VAT1L: variants seen among roughly 807,000 people sequenced by gnomAD.
The protein encoded by VAT1L is putative NADPH-dependent quinone oxidoreductase VAT1L.
A neutral mutation model predicts 44.1 loss-of-function variants in VAT1L; 34 were observed. The observed-to-expected ratio is 0.77, with a 90% CI of 0.59 to 1.03. The LOEUF (loss-of-function observed/expected upper bound fraction) is 1.03. Among genes scored for constraint, VAT1L ranks in the 50% least tolerant of loss-of-function variants. VAT1L has a pLI of 0.00. For missense variants in VAT1L, 615 were observed against 538.8 expected, an observed-to-expected ratio of 1.14 and a Z score of -1.40; for synonymous variants, 253 against 202.2, an observed-to-expected ratio of 1.25 and a Z score of -2.13.
At chr16:77,933,752 A>G (rs1597106070) in intron 7 of VAT1L, among the ~76,000 whole-genome samples, 1 of 152,354 alleles carries the variant, frequency 6.6e-6, no homozygotes, top group Non-Finnish European at 1.5e-5. Flanking sequence ...GGCTGGGTAC[A>G]TTTAAAAAAC....
rs35017686 is a variant in VAT1L, at chr16:77,975,194, CTTTTTTTTTTTTTTTTTT to C, written c.1162-2386_1162-2369del. 1.9e-3 allele frequency among the ~76,000 whole-genome samples: 75 copies of C among 39,868 alleles called. 1 individual carries two copies. The highest frequency in any genetic ancestry group is 7.6e-3 in the African/African-American group (72 of 9,428). 26.2% of individuals were successfully genotyped at this position (39,868 alleles called of 152,430 possible). ...GTGCTTTCTCCTACTGGAATGACCA[CTTTTTTTTTTTTTTTTTT>C]TTTTTTTTTTTTTTTTAAAGACAGT... On this transcript the variant is annotated intron_variant, in intron 8 of 8. Transcript: ENST00000302536.
intron 7 of VAT1L, among the ~76,000 whole-genome samples, chr16:77,895,740 C>T (rs2017317113): frequency 6.6e-6 from 1 of 152,222 alleles, no homozygotes; most frequent in South Asian, 2.1e-4. Flanking sequence ...GAAACTAATA[C>T]ATACCACTAA....
At chr16:77,915,944 G>T (rs1376344045) in intron 7 of VAT1L, among the ~76,000 whole-genome samples, 1 of 152,082 alleles carries the variant, frequency 6.6e-6, no homozygotes, top group Non-Finnish European at 1.5e-5. Context: ...AATCCTACTG[G>T]GGCGCTATGA....
At chr16:77,922,355 T>TAA (rs2017621055) in intron 7 of VAT1L, among the ~76,000 whole-genome samples, 1 of 152,126 alleles carries the variant, frequency 6.6e-6, no homozygotes, top group African/African-American at 2.4e-5. Flanking sequence ...CCAAGGCCAG[T>TAA]TCCATCAAGG....
At chr16:77,862,992 A>T in intron 4 of VAT1L, 102 bp downstream of exon 4, 1 of 1,413,060 alleles carries the variant, frequency 7.1e-7, no homozygotes, top group Non-Finnish European at 9.6e-7. Context: ...TATGTAGCAA[A>T]CATATATTGG....
chr16:77,882,380 AC>A (rs2017164299), intron 6 of VAT1L: 1 of 152,272 alleles, frequency 6.6e-6, no homozygotes, highest in Non-Finnish European at 1.5e-5. Flanking sequence ...GTTAACATTT[AC>A]AGAGCAATCT....
intron 3 of VAT1L, among the ~76,000 whole-genome samples, chr16:77,831,930 C>T (rs2016583357): frequency 6.6e-6 from 1 of 151,770 alleles, no homozygotes; most frequent in Non-Finnish European, 1.5e-5. Context: ...ATTCTCCTGC[C>T]TCAGCCTCCC....
intron 7 of VAT1L, among the ~76,000 whole-genome samples, chr16:77,956,790 C>A (rs969820198): frequency 2.6e-5 from 4 of 152,168 alleles, no homozygotes; most frequent in Non-Finnish European, 5.9e-5. Context: ...TAGAATCGCT[C>A]TTTTATTTCC....
chr16:77,789,907 A>G (rs2015801994), intron 1 of VAT1L, among the ~76,000 whole-genome samples: 1 of 152,130 alleles, frequency 6.6e-6, no homozygotes, highest in Admixed American at 6.6e-5. Flanking sequence ...GCAGAGGCGG[A>G]CTGGACCCAA....
intron 3 of VAT1L, among the ~76,000 whole-genome samples, chr16:77,825,759 G>A (rs1326824518): frequency 2.6e-5 from 4 of 151,782 alleles, no homozygotes; most frequent in Non-Finnish European, 5.9e-5. Context: ...ACTCACGCCT[G>A]TAATCCCAGC....
At chr16:77,901,102 A>ATGTT (rs1454317397) in intron 7 of VAT1L, among the ~76,000 whole-genome samples, 1 of 142,096 alleles carries the variant, frequency 7.0e-6, no homozygotes, top group Non-Finnish European at 1.5e-5. Context: ...GGTGGGGCTG[A>ATGTT]TGTTGAGATA....
Position 77,825,183 on chromosome 16 carries a change from G to C in VAT1L, c.364-63G>C, listed in dbSNP as rs1055727707. ...CGCCTGGCCAGCTCCCAGTAATTCT[G>C]TTCTCTCCTTGAGCCTCTGTCATGA... On this transcript the variant is annotated intron_variant, in intron 2 of 8. Coordinates refer to ENST00000302536, the MANE Select transcript of VAT1L (RefSeq NM_020927.3). 5 of 1,585,818 alleles carry C rather than the reference G, an allele frequency of 3.2e-6. No homozygotes were observed. The African/African-American group carries it at 5.4e-5, about 17-fold the overall frequency.
chr16:77,839,989 C>T (rs939065757), intron 3 of VAT1L, among the ~76,000 whole-genome samples: 5 of 149,670 alleles, frequency 3.3e-5, no homozygotes, highest in African/African-American at 1.0e-4. Context: ...TCTTAGCTTC[C>T]GCACCTTGCT....
intron 7 of VAT1L, among the ~76,000 whole-genome samples, chr16:77,938,035 T>C (rs2017825391): frequency 6.6e-6 from 1 of 152,238 alleles, no homozygotes; most frequent in Admixed American, 6.5e-5. Context: ...CCCTTCTTTT[T>C]ATGAGCACTG....
chr16:77,886,013 C>A (rs904810823), intron 7 of VAT1L, among the ~76,000 whole-genome samples: 1 of 151,910 alleles, frequency 6.6e-6, no homozygotes, highest in South Asian at 2.1e-4. Context: ...ATACTCATTA[C>A]AGAAATTCCT....
chr16:77,864,685 T>C (rs1350492401), intron 4 of VAT1L, among the ~76,000 whole-genome samples: 1 of 152,176 alleles, frequency 6.6e-6, no homozygotes, highest in African/African-American at 2.4e-5. Context: ...AGCTGGTTAT[T>C]TGAGGTGATA....
intron 1 of VAT1L, among the ~76,000 whole-genome samples, chr16:77,793,166 C>T (rs1237673397): frequency 1.3e-5 from 2 of 152,150 alleles, no homozygotes; most frequent in Non-Finnish European, 2.9e-5. Flanking sequence ...AGGTGAAGTG[C>T]AGTGGTGTGA....
intron 7 of VAT1L, among the ~76,000 whole-genome samples, chr16:77,955,913 G>C (rs183642359): frequency 6.6e-6 from 1 of 152,152 alleles, no homozygotes; most frequent in African/African-American, 2.4e-5. Flanking sequence ...TGGCAACAGT[G>C]CATCAAGCCT....
At chr16:77,857,834 CTCTT>C (rs1227381846) in intron 3 of VAT1L, among the ~76,000 whole-genome samples, 1 of 127,040 alleles carries the variant, frequency 7.9e-6, no homozygotes, top group Non-Finnish European at 1.7e-5. Flanking sequence ...TATTATCTCT[CTCTT>C]TTTTTTTTTT....
Sources: allele counts gnomAD v4.1 joint callset (sites outside exome capture counted in the v4.1 genomes callset), GRCh38; gene constraint gnomAD v4.1.1; transcripts MANE v1.5; gene names NCBI Gene and HGNC (gene_info 2026-07-23, HGNC 2026-07-21).